The following CHD9 variants were observed in gnomAD, a reference collection of about 807,000 sequenced individuals.
The protein encoded by CHD9 is chromodomain helicase DNA binding protein 9.
CHD9 carries 77 observed loss-of-function variants against 316.1 expected under a neutral mutation model. The ratio of observed to expected loss-of-function variants is 0.24; its 90% CI spans 0.20 to 0.29. The LOEUF (loss-of-function observed/expected upper bound fraction) is 0.29, where lower values mean the gene tolerates loss of function less well. Among genes scored for constraint, CHD9 ranks in the 10% least tolerant of loss-of-function variants. CHD9 has a pLI of 1.00. For missense variants in CHD9, 2,763 were observed against 3,438.1 expected (o/e 0.80, Z 4.91); for synonymous variants, 1,129 against 1,158.3 (o/e 0.97, Z 0.51).
intron 12 of CHD9, among the ~76,000 whole-genome samples, chr16:53,239,688 G>A (rs1372805587): frequency 6.6e-6 from 1 of 152,056 alleles, no homozygotes; most frequent in Non-Finnish European, 1.5e-5. Flanking sequence ...AAGATAATGT[G>A]CATAGCCTTC....
intron 2 of CHD9, among the ~76,000 whole-genome samples, chr16:53,184,886 T>C (rs1486701120): frequency 6.6e-6 from 1 of 152,116 alleles, no homozygotes; most frequent in African/African-American, 2.4e-5. Flanking sequence ...CCCCTTTGCT[T>C]GGCTGTCATT....
chr16:53,188,602 CTTTTTTTTTTTTTTTTTT>C (rs369979479), intron 2 of CHD9, among the ~76,000 whole-genome samples: 1 of 71,236 alleles, frequency 1.4e-5, no homozygotes, highest in African/African-American at 5.7e-5. Context: ...TGGTCATTAC[CTTTTTTTTTTTTTTTTTT>C]TTTTTTTTTT....
intron 1 of CHD9, among the ~76,000 whole-genome samples, chr16:53,088,574 G>A (rs11648664): frequency 0.28 from 42,605 of 150,780 alleles, 7,533 homozygotes; most frequent in Non-Finnish European, 0.39. Flanking sequence ...CACCGCGCCC[G>A]GCCAACATGC....
intron 34 of CHD9, among the ~76,000 whole-genome samples, chr16:53,312,647 A>G (rs1015159402): frequency 6.6e-6 from 1 of 152,170 alleles, no homozygotes; most frequent in Non-Finnish European, 1.5e-5. Context: ...AGCATCAAAA[A>G]CAGATCTAGG....
At chr16:53,069,253 C>T (rs567250664) in intron 1 of CHD9, among the ~76,000 whole-genome samples, 5 of 152,316 alleles carry the variant, frequency 3.3e-5, no homozygotes, top group African/African-American at 1.2e-4. Flanking sequence ...ATCCACCCAC[C>T]TCGGCTTCCC....
chr16:53,309,312 G>A (rs2056258671), intron 34 of CHD9, among the ~76,000 whole-genome samples: 2 of 152,066 alleles, frequency 1.3e-5, no homozygotes, highest in African/African-American at 2.4e-5. Context: ...TCCTTAAATA[G>A]CCCTTTTTAT....
intron 20 of CHD9, among the ~76,000 whole-genome samples, chr16:53,265,380 G>A (rs922456762): frequency 2.0e-5 from 3 of 152,090 alleles, no homozygotes; most frequent in Non-Finnish European, 4.4e-5. Context: ...TCCAGCCTGA[G>A]TGACATCAAG....
intron 24 of CHD9, among the ~76,000 whole-genome samples, chr16:53,283,116 C>A (rs1480694932): frequency 1.3e-5 from 2 of 151,956 alleles, no homozygotes; most frequent in African/African-American, 2.4e-5. Flanking sequence ...TTTTTCCATT[C>A]TCTTCCTCTT....
intron 1 of CHD9, among the ~76,000 whole-genome samples, chr16:53,116,379 T>A (rs1011703013): frequency 2.6e-5 from 4 of 152,226 alleles, no homozygotes; most frequent in Non-Finnish European, 4.4e-5. Context: ...TTATAGTTTG[T>A]ACAAATCACT....
intron 1 of CHD9, among the ~76,000 whole-genome samples, chr16:53,084,383 G>A (rs1049489372): frequency 3.3e-5 from 5 of 152,196 alleles, no homozygotes; most frequent in Non-Finnish European, 5.9e-5. Context: ...AAGAGGAGGA[G>A]GATTTCTGAA....
intron 2 of CHD9, among the ~76,000 whole-genome samples, chr16:53,184,255 A>G (rs1339387931): frequency 6.6e-6 from 1 of 152,148 alleles, no homozygotes; most frequent in Non-Finnish European, 1.5e-5. Context: ...TCTTATCTCA[A>G]TCACTAAAAG....
At chr16:53,107,900 G>A (rs1163864777) in intron 1 of CHD9, among the ~76,000 whole-genome samples, 3 of 152,104 alleles carry the variant, frequency 2.0e-5, no homozygotes, top group African/African-American at 7.2e-5. Flanking sequence ...GTAAAACACT[G>A]TATATCATGT....
intron 1 of CHD9, among the ~76,000 whole-genome samples, chr16:53,064,653 T>C (rs1257505326): frequency 6.6e-6 from 1 of 152,034 alleles, no homozygotes; most frequent in East Asian, 1.9e-4. Flanking sequence ...CAGAGCCTGG[T>C]GAGGAAGCCA....
intron 27 of CHD9, among the ~76,000 whole-genome samples, chr16:53,288,765 G>A (rs548844189): frequency 1.5e-4 from 23 of 152,080 alleles, no homozygotes; most frequent in Non-Finnish European, 3.1e-4. Flanking sequence ...ATCTCATCAC[G>A]GACTTTGGGT....
At chr16:53,296,886 C>A in intron 29 of CHD9, 70 bp from the exon 30 acceptor site, 2 of 971,850 alleles carry the variant, frequency 2.1e-6, no homozygotes, top group Non-Finnish European at 3.2e-6. Context: ...GTATTATAGT[C>A]ATTATATTTA....
intron 3 of CHD9, among the ~76,000 whole-genome samples, chr16:53,211,177 T>C (rs2046304313): frequency 6.6e-6 from 1 of 152,108 alleles, no homozygotes. Context: ...GGAAATTGGT[T>C]GATAAACTTT....
chr16:53,197,660 CT>C (rs140745645), intron 2 of CHD9, among the ~76,000 whole-genome samples: 238 of 142,626 alleles, frequency 1.7e-3, no homozygotes, highest in African/African-American at 1.9e-3. Context: ...AATATTCTAG[CT>C]TTTTTTTTTT....
In CHD9 at chr16:53,156,861, A is replaced by G; in HGVS notation, c.772A>G (p.Asn258Asp). 1 of 1,613,656 alleles carries G rather than the reference A, an allele frequency of 6.2e-7. No homozygotes were observed. The highest frequency in any genetic ancestry group is 8.5e-7 in the Non-Finnish European group (1 of 1,179,710). The change falls in exon 2 of 39, where the codon AAT becomes GAT. Residue 258 changes from asparagine to aspartate, a missense_variant. Asn to Asp is a conservative substitution (Grantham distance 23). Coordinates refer to ENST00000447540, the MANE Select transcript of CHD9 (RefSeq NM_001308319.2). ...AGGAAATTTTAATGGACCTTCCCCA[A>G]ATATGACTTCTTGTTCTGTCAGTAA... ...QEGNFNGPSP[N>D]MTSCSVSNSQ...
rs1361043895 is a variant in CHD9 at position 53,146,413 on chromosome 16, G to GTATATATATATATATATATATATA, written c.-164-9512_-164-9511insATATATATATATATATATATATAT. ...CTCAAAAAAAAAAAATTGTGTGTGT[G>GTATATATATATATATATATATATA]TGTATGTATATATATATATATATAA... is the stretch of plus-strand genomic sequence containing the variant. On this transcript the variant is annotated intron_variant, in intron 1 of 38. Coordinates refer to ENST00000447540, the MANE Select transcript of CHD9 (RefSeq NM_001308319.2). 4.5e-3 allele frequency among the ~76,000 whole-genome samples: 109 copies of GTATATATATATATATATATATATA among 24,424 alleles called. 3 individuals carry two copies. Among genetic ancestry groups the GTATATATATATATATATATATATA allele is most frequent in the African/African-American group, 0.012 (46 of 3,836 alleles). The allele number at this position is 24,424 out of a possible 152,430, so 16.0% of individuals were successfully genotyped here. A position where few individuals can be genotyped will look rare whatever the true frequency, so the allele number is the denominator to read the frequency against.
Sources: gnomAD v4.1 joint callset for allele counts (sites outside exome capture counted in the v4.1 genomes callset) on GRCh38, gnomAD v4.1.1 for gene constraint, MANE v1.5 for transcripts, NCBI Gene and HGNC (gene_info 2026-07-23, HGNC 2026-07-21) for gene names.